ENOX1: variants seen among roughly 807,000 people sequenced by gnomAD.
ENOX1 encodes candidate growth-related and time keeping constitutive hydroquinone (NADH) oxidase.
In ENOX1, 42 loss-of-function variants were observed where a neutral mutation model predicts 82.5. The observed-to-expected ratio is 0.51, with a 90% CI of 0.40 to 0.66. ENOX1 has a LOEUF of 0.66. Among genes scored for constraint, ENOX1 ranks in the 30% least tolerant of loss-of-function variants. ENOX1 has a pLI of 0.00. For missense variants in ENOX1, 608 were observed against 811.6 expected (o/e 0.75, Z 3.05); for synonymous variants, 271 against 282.2 (o/e 0.96, Z 0.40).
chr13:43,623,132 G>A (rs1031226817), intron 2 of ENOX1, among the ~76,000 whole-genome samples: 5 of 152,110 alleles, frequency 3.3e-5, no homozygotes, highest in Admixed American at 6.5e-5. Context: ...CCCCACGTCT[G>A]TTTCCAGGCA....
At chr13:43,219,560 T>C (rs2041675629) in intron 16 of ENOX1, among the ~76,000 whole-genome samples, 1 of 152,182 alleles carries the variant, frequency 6.6e-6, no homozygotes, top group Admixed American at 6.5e-5. Flanking sequence ...TTTATTCTTT[T>C]AGGAAGGATT....
At chr13:43,439,416 G>A (rs1246827622) in intron 3 of ENOX1, among the ~76,000 whole-genome samples, 2 of 151,998 alleles carry the variant, frequency 1.3e-5, no homozygotes, top group Non-Finnish European at 2.9e-5. Context: ...TCGTCAGGCT[G>A]GTCTCGAGCT....
At chr13:43,313,172 A>G (rs2209329) in intron 11 of ENOX1, among the ~76,000 whole-genome samples, 145,148 of 152,224 alleles carry the variant, frequency 0.95, 69,615 homozygotes, top group East Asian at 1. Context: ...GGTAAATAAC[A>G]TAACTTCTCA....
At chr13:43,624,988 T>C (rs1489701123) in intron 2 of ENOX1, among the ~76,000 whole-genome samples, 1 of 152,094 alleles carries the variant, frequency 6.6e-6, no homozygotes, top group Non-Finnish European at 1.5e-5. Context: ...AGAAGTGACA[T>C]CTTCCACTCC....
intron 14 of ENOX1, among the ~76,000 whole-genome samples, chr13:43,248,206 A>G (rs977218099): frequency 9.9e-5 from 15 of 151,938 alleles, no homozygotes; most frequent in African/African-American, 2.9e-4. Flanking sequence ...TTTTAAAAGA[A>G]AAAATATAAA....
At chr13:43,271,621 G>A (rs1009371754) in intron 12 of ENOX1, among the ~76,000 whole-genome samples, 2 of 151,982 alleles carry the variant, frequency 1.3e-5, no homozygotes, top group Admixed American at 1.3e-4. Context: ...AAGTGCATTG[G>A]AGTCTTCATT....
intron 3 of ENOX1, among the ~76,000 whole-genome samples, chr13:43,444,794 G>A (rs1373268878): frequency 6.6e-6 from 1 of 152,186 alleles, no homozygotes; most frequent in Admixed American, 6.5e-5. Context: ...GTATTCAGGA[G>A]GACAAGCCTT....
intron 2 of ENOX1, among the ~76,000 whole-genome samples, chr13:43,517,819 C>T (rs1447603540): frequency 6.6e-6 from 1 of 152,008 alleles, no homozygotes; most frequent in Non-Finnish European, 1.5e-5. Context: ...TGAAAGAAGC[C>T]CAAAAGAGAA....
intron 9 of ENOX1, among the ~76,000 whole-genome samples, chr13:43,341,333 TACTAG>T (rs1374660524): frequency 1.3e-5 from 2 of 150,166 alleles, no homozygotes; most frequent in African/African-American, 4.9e-5. Context: ...ATGGCAAATC[TACTAG>T]AAGAGGGTGG....
At chr13:43,541,403 A>T (rs1273720096) in intron 2 of ENOX1, among the ~76,000 whole-genome samples, 1 of 151,908 alleles carries the variant, frequency 6.6e-6, no homozygotes, top group Non-Finnish European at 1.5e-5. Flanking sequence ...CAGAAGACTA[A>T]GGTGGGAAGA....
chr13:43,551,434 AAAT>A (rs767020913), intron 2 of ENOX1, among the ~76,000 whole-genome samples: 2 of 152,212 alleles, frequency 1.3e-5, no homozygotes, highest in African/African-American at 2.4e-5. Context: ...TTGGAAGAAA[AAAT>A]AATAATAAAG....
chr13:43,773,390 C>T (rs1000009200), intron 1 of ENOX1, among the ~76,000 whole-genome samples: 3 of 152,182 alleles, frequency 2.0e-5, no homozygotes, highest in Admixed American at 1.3e-4. Context: ...AAAAACACTT[C>T]AGTGGCTCTC....
At chr13:43,592,130 T>C (rs963945079) in intron 2 of ENOX1, among the ~76,000 whole-genome samples, 2 of 152,198 alleles carry the variant, frequency 1.3e-5, no homozygotes, top group African/African-American at 4.8e-5. Context: ...TTCACCTTAG[T>C]TGAAAAGACA....
chr13:43,247,828 CATATATATATATATATATAT>C lies in ENOX1; in HGVS notation c.1612-11110_1612-11091del, dbSNP rs71214135. ...CACAGTGCTCTGTACACAGATGCAACATATATATATATATATATATATATATATATATATATATATATATA... is the reference window on the plus strand; with the variant it reads ...CACAGTGCTCTGTACACAGATGCAACATATATATATATATATATATATATA... On this transcript the variant is annotated intron_variant, in intron 14 of 16. Transcript: ENST00000690772. 2.9e-3 allele frequency among the ~76,000 whole-genome samples: 107 copies of C among 37,000 alleles called. 2 individuals are homozygous for C. The highest frequency in any genetic ancestry group is 5.9e-3 in the African/African-American group (58 of 9,906). The allele number at this position is 37,000 out of a possible 152,430, so 24.3% of individuals were successfully genotyped here. A position where few individuals can be genotyped will look rare whatever the true frequency, so the allele number is the denominator to read the frequency against.
intron 3 of ENOX1, among the ~76,000 whole-genome samples, chr13:43,479,157 G>T (rs2058411357): frequency 6.6e-6 from 1 of 152,146 alleles, no homozygotes; most frequent in African/African-American, 2.4e-5. Context: ...GAAGTGTTGA[G>T]GGGGATGGCA....
At chr13:43,748,619 C>T (rs1215201782) in intron 1 of ENOX1, among the ~76,000 whole-genome samples, 3 of 152,106 alleles carry the variant, frequency 2.0e-5, no homozygotes, top group Non-Finnish European at 4.4e-5. Flanking sequence ...CCCAGCTAAG[C>T]CTTAGTTTTC....
At chr13:43,693,593 A>T (rs2086480898) in intron 1 of ENOX1, among the ~76,000 whole-genome samples, 2 of 152,200 alleles carry the variant, frequency 1.3e-5, no homozygotes. Context: ...AACTCTGATC[A>T]TTCTTATAAT....
At chr13:43,743,728 T>G (rs1949877477) in intron 1 of ENOX1, among the ~76,000 whole-genome samples, 1 of 152,170 alleles carries the variant, frequency 6.6e-6, no homozygotes, top group Admixed American at 6.5e-5. Context: ...ATGGATGAAT[T>G]TCTTCGGATT....
At chr13:43,559,026 C>G (rs2079558272) in intron 2 of ENOX1, among the ~76,000 whole-genome samples, 1 of 152,152 alleles carries the variant, frequency 6.6e-6, no homozygotes. Context: ...GCTTCCATAA[C>G]AAAAAGGATG....
Sources: gnomAD v4.1 joint callset for allele counts (sites outside exome capture counted in the v4.1 genomes callset) on GRCh38, gnomAD v4.1.1 for gene constraint, MANE v1.5 for transcripts, NCBI Gene and HGNC (gene_info 2026-07-23, HGNC 2026-07-21) for gene names.